The following CAMTA1 variants were observed in gnomAD, a reference collection of about 807,000 sequenced individuals.
CAMTA1 encodes calmodulin binding transcription activator 1.
In CAMTA1, 27 loss-of-function variants were observed where a neutral mutation model predicts 170.9. That is an observed-to-expected ratio of 0.16 (90% confidence interval 0.12 to 0.22). The LOEUF (loss-of-function observed/expected upper bound fraction) is 0.22, where lower values mean the gene tolerates loss of function less well. Among genes scored for constraint, CAMTA1 ranks in the 10% least tolerant of loss-of-function variants. The pLI is 1.00. For missense variants in CAMTA1, 1,619 were observed against 2,217.2 expected (o/e 0.73, Z 5.42); for synonymous variants, 833 against 891.5 (o/e 0.93, Z 1.17).
chr1:7,733,217 A>T (rs2096747428), intron 12 of CAMTA1, among the ~76,000 whole-genome samples: 1 of 151,286 alleles, frequency 6.6e-6, no homozygotes. Context: ...GAAGAAGAAG[A>T]AAAAAAAAGG....
chr1:7,571,309 T>G (rs1375742733), intron 6 of CAMTA1, among the ~76,000 whole-genome samples: 1 of 152,150 alleles, frequency 6.6e-6, no homozygotes, highest in Non-Finnish European at 1.5e-5. Context: ...ATTAATCCAG[T>G]TTATGAGGAT....
At chr1:7,260,800 A>C (rs1292444334) in intron 5 of CAMTA1, among the ~76,000 whole-genome samples, 1 of 152,232 alleles carries the variant, frequency 6.6e-6, no homozygotes, top group Non-Finnish European at 1.5e-5. Context: ...ACAGCACGAG[A>C]AAACTGGAGA....
At chr1:7,123,870 T>G (rs1421719960) in intron 4 of CAMTA1, among the ~76,000 whole-genome samples, 1 of 152,162 alleles carries the variant, frequency 6.6e-6, no homozygotes, top group Non-Finnish European at 1.5e-5. Context: ...TCTGTGGGGT[T>G]GCATCCAAGT....
At chr1:6,968,471 C>T (rs1008001159) in intron 3 of CAMTA1, among the ~76,000 whole-genome samples, 1 of 152,182 alleles carries the variant, frequency 6.6e-6, no homozygotes, top group African/African-American at 2.4e-5. Context: ...ATCAGAAATT[C>T]ATTTATATGA....
intron 6 of CAMTA1, among the ~76,000 whole-genome samples, chr1:7,569,858 T>C (rs562422932): frequency 2.0e-5 from 3 of 152,232 alleles, no homozygotes; most frequent in African/African-American, 7.2e-5. Context: ...GTGCAGACAG[T>C]GTGTCCTGGA....
chr1:6,842,613 A>C (rs1168596511), intron 3 of CAMTA1, among the ~76,000 whole-genome samples: 1 of 152,190 alleles, frequency 6.6e-6, no homozygotes, highest in Non-Finnish European at 1.5e-5. Flanking sequence ...GTGCTTAAAC[A>C]AATTGTGGTT....
chr1:6,925,382 C>T (rs191400777), intron 3 of CAMTA1, among the ~76,000 whole-genome samples: 1 of 152,364 alleles, frequency 6.6e-6, no homozygotes, highest in East Asian at 1.9e-4. Flanking sequence ...TTCTCCCTTT[C>T]TCTCTAAGTG....
At chr1:6,822,925 CAT>C (rs1193436893) in intron 2 of CAMTA1, among the ~76,000 whole-genome samples, 17 of 151,974 alleles carry the variant, frequency 1.1e-4, no homozygotes, top group Non-Finnish European at 1.9e-4. Context: ...TGATCACAAA[CAT>C]AGAAGCTGGG....
chr1:7,760,222 G>T (rs1208418214), intron 22 of CAMTA1, among the ~76,000 whole-genome samples: 1 of 152,124 alleles, frequency 6.6e-6, no homozygotes, highest in Admixed American at 6.5e-5. Context: ...TTGAGAACCG[G>T]GTTTCCAAAC....
At chr1:7,402,976 A>C (rs2090018007) in intron 5 of CAMTA1, among the ~76,000 whole-genome samples, 1 of 152,216 alleles carries the variant, frequency 6.6e-6, no homozygotes, top group African/African-American at 2.4e-5. Context: ...ATTAGAGAAT[A>C]TTGTTTGAAT....
rs943828600 is a variant in CAMTA1 at position 6,806,654 on chromosome 1, G to A, written c.46-13527G>A. Among the ~76,000 whole-genome samples, 3 of 152,168 alleles carry A rather than the reference G, an allele frequency of 2.0e-5. No individual in the cohort carries two copies. In the South Asian group the frequency reaches 6.2e-4, roughly 31 times the overall value. ...AGCAAACAGCTCTTCCACGTAGCGT[G>A]TAGGTTGACTTCCTGTAGTAAATGT... On this transcript the variant is annotated intron_variant, in intron 1 of 22. Coordinates refer to ENST00000303635, the MANE Select transcript of CAMTA1 (RefSeq NM_015215.4).
intron 5 of CAMTA1, among the ~76,000 whole-genome samples, chr1:7,315,845 T>C (rs1278890709): frequency 6.6e-6 from 1 of 152,188 alleles, no homozygotes; most frequent in Non-Finnish European, 1.5e-5. Flanking sequence ...CATTTCTGCC[T>C]TCATGCCATC....
chr1:7,096,667 C>A (rs183531469), intron 4 of CAMTA1, among the ~76,000 whole-genome samples: 36 of 152,322 alleles, frequency 2.4e-4, no homozygotes, highest in Admixed American at 2.2e-3. Context: ...GTGTTTCCGA[C>A]TGTAATTCAC....
intron 4 of CAMTA1, among the ~76,000 whole-genome samples, chr1:7,105,609 G>T (rs917992066): frequency 1.3e-5 from 2 of 152,178 alleles, no homozygotes; most frequent in African/African-American, 4.8e-5. Context: ...ACATCCCAGG[G>T]AAGGAATGAT....
intron 6 of CAMTA1, among the ~76,000 whole-genome samples, chr1:7,489,413 T>G (rs1318947785): frequency 6.6e-6 from 1 of 152,156 alleles, no homozygotes; most frequent in East Asian, 1.9e-4. Context: ...AGAGGCTGTG[T>G]TTGGAGAAGA....
At chr1:6,921,715 A>C (rs1682051129) in intron 3 of CAMTA1, among the ~76,000 whole-genome samples, 1 of 152,218 alleles carries the variant, frequency 6.6e-6, no homozygotes, top group Non-Finnish European at 1.5e-5. Flanking sequence ...CACATCTTAC[A>C]TGGATGGTGG....
intron 11 of CAMTA1, chr1:7,694,690 C>A (rs1266822952): frequency 6.6e-6 from 1 of 152,600 alleles, no homozygotes; most frequent in African/African-American, 2.4e-5. Context: ...AGCTCCCTCC[C>A]TCCGGCCCTC....
At chr1:7,330,004 T>C (rs904796456) in intron 5 of CAMTA1, among the ~76,000 whole-genome samples, 3 of 152,224 alleles carry the variant, frequency 2.0e-5, no homozygotes, top group African/African-American at 7.2e-5. Flanking sequence ...AGGCTGTTCT[T>C]GGGGCACCTC....
At chr1:6,812,103 G>T (rs191232730) in intron 1 of CAMTA1, among the ~76,000 whole-genome samples, 3 of 152,330 alleles carry the variant, frequency 2.0e-5, no homozygotes, top group Admixed American at 2.0e-4. Context: ...CTCAGTGGGA[G>T]CGTTTGCCTT....
Sources: gnomAD v4.1 joint callset for allele counts (sites outside exome capture counted in the v4.1 genomes callset) on GRCh38, gnomAD v4.1.1 for gene constraint, MANE v1.5 for transcripts, NCBI Gene and HGNC (gene_info 2026-07-23, HGNC 2026-07-21) for gene names.